ROBO1: variants seen among roughly 807,000 people sequenced by gnomAD.
ROBO1 encodes the protein roundabout guidance receptor 1, also known as roundabout homolog 1.
ROBO1 carries 149 observed loss-of-function variants against 195.9 expected under a neutral mutation model. The observed-to-expected ratio is 0.76, with a 90% CI of 0.67 to 0.87. The LOEUF (loss-of-function observed/expected upper bound fraction) is 0.87. Among genes scored for constraint, ROBO1 ranks in the 40% least tolerant of loss-of-function variants. ROBO1 has a pLI of 0.00. For synonymous variants in ROBO1, 816 were observed against 733.2 expected, an observed-to-expected ratio of 1.11 and a Z score of -1.82; for missense variants, 1,933 against 2,068.3, an observed-to-expected ratio of 0.93 and a Z score of 1.27.
intron 2 of ROBO1, among the ~76,000 whole-genome samples, chr3:79,483,002 A>G (rs994763745): frequency 2.0e-5 from 3 of 152,210 alleles, no homozygotes; most frequent in East Asian, 3.9e-4. Context: ...GTGTGTTGAA[A>G]CGGCAAAAGG....
intron 1 of ROBO1, among the ~76,000 whole-genome samples, chr3:79,756,279 C>T (rs367692766): frequency 1.3e-5 from 2 of 152,116 alleles, no homozygotes; most frequent in East Asian, 3.9e-4. Flanking sequence ...GGGCTGGGTG[C>T]GGTGGCTCAT....
At chr3:78,711,398 CCTTT>C (rs1235633066) in intron 8 of ROBO1, among the ~76,000 whole-genome samples, 4 of 39,952 alleles carry the variant, frequency 1.0e-4, no homozygotes, top group South Asian at 1.2e-3. Flanking sequence ...TTCCTTCCTT[CCTTT>C]CTTTCTTTCT....
At chr3:78,678,641 T>C (rs1708589800) in intron 10 of ROBO1, among the ~76,000 whole-genome samples, 1 of 152,264 alleles carries the variant, frequency 6.6e-6, no homozygotes, top group South Asian at 2.1e-4. Flanking sequence ...GTTGACTCTC[T>C]GAATAGACCA....
At position 78,614,701 on chromosome 3, in the gene ROBO1, G is replaced by C. The variant is rs749424864; in HGVS notation, c.4382C>G (p.Ala1461Gly). Reference sequence around the variant, plus strand: ...TCCTGGCTGGTGTTTCAGTTTCTTGGCTGGTCTGGTTTTCTGCATTACGGC... The same window carrying C: ...TCCTGGCTGGTGTTTCAGTTTCTTGCCTGGTCTGGTTTTCTGCATTACGGC... ...SAAVMQKTRP[A>G]KKLKHQPGHL... The change falls in exon 28 of 31, where the codon GCC (alanine) becomes GGC (glycine). Residue 1461 changes from alanine (A) to glycine (G), a missense_variant. Around this residue, in one of 3 missense-constraint regions of ROBO1, gnomAD observed 1,737 missense variants for 1,882.5 expected, o/e 0.92. Transcript: ENST00000464233. The C allele has an allele frequency of 1.9e-6, 3 of 1,613,570 alleles. No homozygotes were observed. In the Admixed American group the frequency reaches 5.0e-5, roughly 27 times the overall value.
At chr3:79,747,922 G>A (rs540683651) in intron 1 of ROBO1, among the ~76,000 whole-genome samples, 12 of 152,042 alleles carry the variant, frequency 7.9e-5, no homozygotes, top group Non-Finnish European at 4.4e-5. Flanking sequence ...GAAATTGTTG[G>A]TATGACTAAA....
chr3:79,457,047 C>T (rs966151757), intron 2 of ROBO1, among the ~76,000 whole-genome samples: 12 of 152,144 alleles, frequency 7.9e-5, no homozygotes, highest in African/African-American at 1.9e-4. Context: ...TAATTTAATA[C>T]TGGACACTTA....
chr3:79,628,725 G>T (rs1337777493), intron 1 of ROBO1, among the ~76,000 whole-genome samples: 1 of 152,026 alleles, frequency 6.6e-6, no homozygotes, highest in Non-Finnish European at 1.5e-5. Flanking sequence ...TAAAAAACAG[G>T]ATCCAACCAT....
intron 4 of ROBO1, among the ~76,000 whole-genome samples, chr3:78,847,956 C>T (rs750125125): frequency 1.4e-4 from 21 of 152,112 alleles, no homozygotes; most frequent in Non-Finnish European, 2.5e-4. Context: ...TGACAATAGG[C>T]TATAAAATTG....
intron 2 of ROBO1, among the ~76,000 whole-genome samples, chr3:79,430,274 A>C (rs1269358604): frequency 6.6e-6 from 1 of 152,126 alleles, no homozygotes; most frequent in Non-Finnish European, 1.5e-5. Flanking sequence ...AAGTTCAATA[A>C]AAATAATACT....
At chr3:78,769,145 T>G (rs1283325688) in intron 4 of ROBO1, among the ~76,000 whole-genome samples, 1 of 152,134 alleles carries the variant, frequency 6.6e-6, no homozygotes, top group Non-Finnish European at 1.5e-5. Flanking sequence ...GCCTGTCTAG[T>G]GCTGTCAGTG....
chr3:79,495,736 T>C (rs956945675), intron 2 of ROBO1, among the ~76,000 whole-genome samples: 3 of 152,168 alleles, frequency 2.0e-5, no homozygotes, highest in African/African-American at 7.2e-5. Context: ...CTATTGAAAA[T>C]GAACATTTCT....
chr3:79,659,921 A>G (rs1220106077), intron 1 of ROBO1, among the ~76,000 whole-genome samples: 1 of 152,090 alleles, frequency 6.6e-6, no homozygotes, highest in Non-Finnish European at 1.5e-5. Flanking sequence ...CCAAAGACAC[A>G]ACATGACAGA....
At chr3:79,326,024 G>C (rs568566609) in intron 2 of ROBO1, among the ~76,000 whole-genome samples, 1 of 152,212 alleles carries the variant, frequency 6.6e-6, no homozygotes, top group East Asian at 1.9e-4. Flanking sequence ...TACTATGGTC[G>C]AGGCTGTAGG....
intron 2 of ROBO1, among the ~76,000 whole-genome samples, chr3:79,455,230 G>A (rs1172718625): frequency 6.6e-6 from 1 of 152,002 alleles, no homozygotes; most frequent in Non-Finnish European, 1.5e-5. Context: ...AGGGCCTGAA[G>A]CTAGAGTACG....
intron 5 of ROBO1, among the ~76,000 whole-genome samples, chr3:78,721,047 T>C (rs891809057): frequency 2.6e-5 from 4 of 151,628 alleles, no homozygotes; most frequent in Non-Finnish European, 5.9e-5. Context: ...TGTATACATA[T>C]GTAACAAACC....
intron 2 of ROBO1, chr3:79,533,043 TA>T: frequency 2.1e-5 from 9 of 420,570 alleles, no homozygotes; most frequent in Middle Eastern, 6.9e-4. Context: ...TTTAAACCAT[TA>T]AAAAGGGTGG....
At chr3:78,919,437 G>A (rs868436575) in intron 4 of ROBO1, among the ~76,000 whole-genome samples, 1 of 152,208 alleles carries the variant, frequency 6.6e-6, no homozygotes, top group Non-Finnish European at 1.5e-5. Flanking sequence ...CTAAAAGAAA[G>A]CTGAACATGG....
rs143788645 is a variant in ROBO1, at chr3:78,882,975, G to A, written c.499+55626C>T. 2.6e-5 allele frequency among the ~76,000 whole-genome samples: 4 copies of A among 151,944 alleles called. No individual in the cohort carries two copies. In the East Asian group the frequency reaches 5.8e-4, roughly 22 times the overall value. ...TTACAGGCATACGCCACCACACCAG[G>A]CTAATTTTTGTATTTTTAGTAGAGA... On this transcript the variant is annotated intron_variant, in intron 4 of 30. Coordinates refer to ENST00000464233, the MANE Select transcript of ROBO1 (RefSeq NM_002941.4).
rs887959352 is a variant in ROBO1 at position 78,668,487 on chromosome 3, G to C, written c.1627C>G (p.Gln543Glu). The C allele has an allele frequency of 3.7e-6, 6 of 1,613,572 alleles. No individual in the cohort carries two copies. In the African/African-American group the frequency reaches 6.7e-5, roughly 18 times the overall value. Residue 543 changes from glutamine to glutamate, a missense_variant, in exon 12 of 31, where the codon CAA (glutamine) becomes GAA (glutamate). Coordinates refer to ENST00000464233, the MANE Select transcript of ROBO1 (RefSeq NM_002941.4). ...GGAAACACACCATTTACTTTACCTT[G>C]AACTTCAATGTAAGCACTCCATGTT... Reference protein sequence around the residue: ...EATWSAYIEVQEFGVPVQPPR... With the variant: ...EATWSAYIEVEEFGVPVQPPR...
Sources: allele counts gnomAD v4.1 joint callset (sites outside exome capture counted in the v4.1 genomes callset), GRCh38; gene constraint gnomAD v4.1.1; regional missense constraint gnomAD v4.1.1; transcripts MANE v1.5; gene names NCBI Gene and HGNC (gene_info 2026-07-23, HGNC 2026-07-21).